Variants in NAV1 observed in about 807,000 individuals in gnomAD.
The protein encoded by NAV1 is neuron navigator 1, also known as pore membrane and/or filament interacting like protein 3.
In NAV1, 18 loss-of-function variants were observed where a neutral mutation model predicts 175.2. The observed-to-expected ratio is 0.10, with a 90% CI of 0.07 to 0.15. The LOEUF (loss-of-function observed/expected upper bound fraction) is 0.15. Ranked by LOEUF, NAV1 falls within the 10% of genes least tolerant of loss-of-function variation. The probability of loss-of-function intolerance (pLI) is 1.00; values close to 1 mark genes in which losing one functional copy is unlikely to be tolerated. For synonymous variants in NAV1, 897 were observed against 978.7 expected, an observed-to-expected ratio of 0.92 and a Z score of 1.56; for missense variants, 1,731 against 2,436.6, an observed-to-expected ratio of 0.71 and a Z score of 6.10.
Position 201,807,055 on chromosome 1 carries a change from TGTGTGTG to T in NAV1, c.3649-883_3649-877del, listed in dbSNP as rs373943872. On this transcript the variant is annotated intron_variant, in intron 17 of 29. Coordinates refer to ENST00000367296, the Ensembl canonical transcript of NAV1. The surrounding 1 kb of genome is among the most constrained non-coding windows in gnomAD (Gnocchi z 5.4). ...GTCCCTGTGTGTGTGTGTGTATGTG[TGTGTGTG>T]GTGTGTGGTGTGTGCATGCTGTATG... 1.0e-3 allele frequency among the ~76,000 whole-genome samples: 152 copies of T among 152,188 alleles called. 1 individual carries two copies. The highest frequency in any genetic ancestry group is 5.4e-3 in the Admixed American group (82 of 15,290).
intron 3 of NAV1, among the ~76,000 whole-genome samples, chr1:201,764,692 T>A (rs1675085784): frequency 6.6e-6 from 1 of 152,146 alleles, no homozygotes; most frequent in Non-Finnish European, 1.5e-5. Flanking sequence ...AAGAAAGCAA[T>A]GCCTAAAGCA....
chr1:201,603,184 G>A (rs1164925272), intron 2 of NAV1, among the ~76,000 whole-genome samples: 1 of 152,196 alleles, frequency 6.6e-6, no homozygotes, highest in African/African-American at 2.4e-5. Flanking sequence ...GTTTAGGCTA[G>A]ACATCAAAAA....
intron 3 of NAV1, among the ~76,000 whole-genome samples, chr1:201,779,351 G>C (rs1676156421): frequency 6.6e-6 from 1 of 151,848 alleles, no homozygotes. Context: ...CAGCACTTTG[G>C]GAGGCTGAGG....
At chr1:201,826,357 A>G (rs536984257) in exon 30 of NAV1, 26 of 152,320 alleles carry the variant, frequency 1.7e-4, no homozygotes, top group African/African-American at 6.3e-4. Context: ...TATCGCAGCC[A>G]GTCTCTAGGC....
intron 1 of NAV1, among the ~76,000 whole-genome samples, chr1:201,671,752 G>C (rs1369833375): frequency 6.6e-6 from 1 of 152,188 alleles, no homozygotes; most frequent in Non-Finnish European, 1.5e-5. Context: ...CTGGTCAGCA[G>C]ACCTGGCCAT....
intron 1 of NAV1, among the ~76,000 whole-genome samples, chr1:201,656,474 G>A (rs1393228003): frequency 6.6e-6 from 1 of 152,184 alleles, no homozygotes; most frequent in Non-Finnish European, 1.5e-5. Flanking sequence ...TAAGCTCCAG[G>A]TGTTTCCATG....
At chr1:201,790,612 A>T in intron 12 of NAV1, 35 bp downstream of exon 16, 1 of 1,614,066 alleles carries the variant, frequency 6.2e-7, no homozygotes, top group Non-Finnish European at 8.5e-7. Context: ...GCTTGTTAAC[A>T]TCACTGCACC....
intron 2 of NAV1, among the ~76,000 whole-genome samples, chr1:201,604,738 GAA>G (rs1349339662): frequency 3.4e-5 from 5 of 146,612 alleles, no homozygotes; most frequent in African/African-American, 5.1e-5. Context: ...AAGAAAGAAA[GAA>G]AGAAAGAGAG....
intron 3 of NAV1, among the ~76,000 whole-genome samples, chr1:201,735,349 T>G (rs1673071304): frequency 6.6e-6 from 1 of 152,230 alleles, no homozygotes; most frequent in Non-Finnish European, 1.5e-5. Context: ...AACTAGATGC[T>G]CTCTAAAGTC....
intron 2 of NAV1, among the ~76,000 whole-genome samples, chr1:201,631,478 C>T (rs910142931): frequency 6.6e-6 from 1 of 152,246 alleles, no homozygotes; most frequent in Non-Finnish European, 1.5e-5. Flanking sequence ...TTGTGCTGAA[C>T]ACTGTGCTTG....
intron 1 of NAV1, among the ~76,000 whole-genome samples, chr1:201,704,770 T>G (rs945845732): frequency 1.3e-5 from 2 of 152,246 alleles, no homozygotes; most frequent in African/African-American, 4.8e-5. Context: ...CCCTGGTATC[T>G]GCCTTTTTAG....
chr1:201,552,926 T>C (rs1343233764), intron 1 of NAV1, among the ~76,000 whole-genome samples: 1 of 152,126 alleles, frequency 6.6e-6, no homozygotes, highest in East Asian at 1.9e-4. Flanking sequence ...GGGTTATCTG[T>C]GGTGCTGGCT....
At chr1:201,776,041 A>G (rs833866) in intron 3 of NAV1, among the ~76,000 whole-genome samples, 71,284 of 151,854 alleles carry the variant, frequency 0.47, 17,074 homozygotes, top group African/African-American at 0.56. Flanking sequence ...GGGTAAGAAT[A>G]CAAGATCCCG....
At chr1:201,804,047 C>A (rs377426229) in intron 16 of NAV1, 1 of 507,294 alleles carries the variant, frequency 2.0e-6, no homozygotes, top group Non-Finnish European at 3.8e-6. Flanking sequence ...CACCACCCCC[C>A]ATTCCCTTCT....
chr1:201,687,473 A>T (rs542816889), intron 1 of NAV1, among the ~76,000 whole-genome samples: 1 of 152,340 alleles, frequency 6.6e-6, no homozygotes, highest in South Asian at 2.1e-4. Context: ...TAATAATACC[A>T]ACAATAACAA....
intron 1 of NAV1, among the ~76,000 whole-genome samples, chr1:201,574,853 C>T (rs1016554685): frequency 6.6e-6 from 1 of 152,202 alleles, no homozygotes; most frequent in African/African-American, 2.4e-5. Context: ...AGCTGCGGGG[C>T]TTGTTGCCCC....
intron 3 of NAV1, among the ~76,000 whole-genome samples, chr1:201,742,840 C>T (rs1324376454): frequency 6.6e-6 from 1 of 151,146 alleles, no homozygotes; most frequent in Non-Finnish European, 1.5e-5. Context: ...CGCAGGCAAA[C>T]CACACTTGCT....
rs560346 is a variant in NAV1 at position 201,607,125 on chromosome 1, T to C, written c.-32-15728T>C. Among the ~76,000 whole-genome samples, 6 of 150,354 alleles carry C rather than the reference T, an allele frequency of 4.0e-5. No individual in the cohort carries two copies. The South Asian group carries it at 6.4e-4, about 16-fold the overall frequency. The stretch of plus-strand genomic sequence containing the variant: ...TCAAATAATTTTTTTCTTTTTTTTT[T>C]TTTTTTTTGAGATGGAGTCTCCCTC... On this transcript the variant is annotated intron_variant, in intron 2 of 33. Transcript: ENST00000685211.
rs1215314387 is a variant in NAV1, at chr1:201,740,312, G to A, written c.1226+21557G>A. 6.6e-6 allele frequency among the ~76,000 whole-genome samples: 1 copy of A among 152,252 alleles called. No homozygotes were observed. Among genetic ancestry groups the A allele is most frequent in the Non-Finnish European group, 1.5e-5 (1 of 68,042 alleles). The stretch of plus-strand genomic sequence containing the variant: ...GACGTTTGGCTTACGGGCATCTGGG[G>A]CTGGGAGTGGGTGTGTGGAGGGCTC... On this transcript the variant is annotated intron_variant, in intron 3 of 29. Transcript: ENST00000367296. The surrounding 1 kb of genome is among the most constrained non-coding windows in gnomAD (Gnocchi z 4.7).
Sources: allele counts gnomAD v4.1 joint callset (sites outside exome capture counted in the v4.1 genomes callset), GRCh38; gene constraint gnomAD v4.1.1; non-coding constraint Gnocchi (gnomAD v3.1); transcripts MANE v1.5; gene names NCBI Gene and HGNC (gene_info 2026-07-23, HGNC 2026-07-21).